Variants in CTSH observed in about 807,000 individuals in gnomAD.
CTSH encodes cathepsin H, also known as pro-cathepsin H.
In CTSH, 52 loss-of-function variants were observed where a neutral mutation model predicts 56.3. The observed-to-expected ratio is 0.92, with a 90% CI of 0.74 to 1.16. The LOEUF (loss-of-function observed/expected upper bound fraction) is 1.16. CTSH is among the 50% of genes most tolerant of loss of function. The pLI is 0.00. For missense variants in CTSH, 406 were observed against 424.5 expected (o/e 0.96, Z 0.38); for synonymous variants, 174 against 155.7 (o/e 1.12, Z -0.88).
At position 78,935,214 on chromosome 15, in the gene CTSH, C is replaced by T. The variant is rs1425763163; in HGVS notation, c.301-132G>A. The stretch of plus-strand genomic sequence containing the variant: ...GAAAGGCTGCAGCTCTCAGAACCTT[C>T]CCTCTCCTGTCTACTGGTCCCAAGT... On this transcript the variant is annotated intron_variant, in intron 4 of 11. Coordinates refer to ENST00000220166, the MANE Select transcript of CTSH (RefSeq NM_004390.5). 7.7e-6 allele frequency: 5 copies of T among 653,432 alleles called. 1 individual carries two copies. Among genetic ancestry groups the T allele is most frequent in the Admixed American group, 5.5e-5 (2 of 36,634 alleles). The allele number at this position is 653,432 out of a possible 1,614,324, so 40.5% of individuals were successfully genotyped here.
At chr15:78,933,735 G>T (rs911600339) in intron 5 of CTSH, 3 of 286,454 alleles carry the variant, frequency 1.0e-5, no homozygotes, top group Non-Finnish European at 2.2e-5. Context: ...ACTTACCTTG[G>T]ACCTCAGGCA....
chr15:78,941,417 C>CT (rs2055285871), intron 1 of CTSH, among the ~76,000 whole-genome samples: 2 of 80,896 alleles, frequency 2.5e-5, no homozygotes, highest in African/African-American at 1.0e-4. Flanking sequence ...AAGCGAGACT[C>CT]TGTCTAAAAA....
chr15:78,922,224 T>G lies in CTSH; in HGVS notation c.933-19A>C, dbSNP rs201480841. ...GAAGTACCTGGGCAGAAAGAGGAGC[T>G]GAGGCCCGGCCGGCGGTCTCCCCAC... On this transcript the variant is annotated intron_variant, in intron 11 of 11. Transcript: ENST00000220166. 6.4e-7 allele frequency: 1 copy of G among 1,561,564 alleles called. No homozygotes were observed. The highest frequency in any genetic ancestry group is 1.4e-5 in the African/African-American group (1 of 73,864).
chr15:78,939,574 G>GT (rs2055245649), intron 1 of CTSH, among the ~76,000 whole-genome samples: 1 of 152,184 alleles, frequency 6.6e-6, no homozygotes, highest in Non-Finnish European at 1.5e-5. Flanking sequence ...TTATATTTCG[G>GT]TAAGAAGTTA....
At chr15:78,926,849 A>G (rs924657559) in intron 9 of CTSH, 2 of 152,176 alleles carry the variant, frequency 1.3e-5, no homozygotes, top group African/African-American at 4.8e-5. Flanking sequence ...GATAGTGCGT[A>G]TTGAGGGTTG....
intron 2 of CTSH, 169 bp from the exon 3 acceptor site, chr15:78,937,592 A>C: frequency 2.1e-6 from 3 of 1,413,044 alleles, no homozygotes; most frequent in South Asian, 1.5e-5. Context: ...GGAAGTTACA[A>C]AACAACCCCG....
intron 1 of CTSH, among the ~76,000 whole-genome samples, chr15:78,942,398 A>G (rs1195625355): frequency 1.3e-5 from 2 of 152,066 alleles, no homozygotes. Flanking sequence ...TTTTTAGTAG[A>G]GATGGGGTTT....
chr15:78,928,912 G>A (rs200206245), intron 8 of CTSH, among the ~76,000 whole-genome samples: 1 of 152,190 alleles, frequency 6.6e-6, no homozygotes, highest in Non-Finnish European at 1.5e-5. Context: ...ATCACCACGA[G>A]GGGAAATAAA....
chr15:78,924,473 T>C (rs780414971), intron 10 of CTSH, among the ~76,000 whole-genome samples: 1 of 151,860 alleles, frequency 6.6e-6, no homozygotes, highest in Non-Finnish European at 1.5e-5. Flanking sequence ...TGAGTGACAT[T>C]AGTGAGTGAC....
At chr15:78,923,354 A>G (rs1396723352) in intron 10 of CTSH, among the ~76,000 whole-genome samples, 1 of 152,046 alleles carries the variant, frequency 6.6e-6, no homozygotes, top group Non-Finnish European at 1.5e-5. Flanking sequence ...CAATGGTGCA[A>G]TCTCTGCTCA....
Position 78,934,821 on chromosome 15 carries a change from G to A in CTSH, c.405+157C>T, listed in dbSNP as rs1017799878. 2.7e-5 allele frequency: 19 copies of A among 708,824 alleles called. No homozygotes were observed. In the East Asian group the frequency reaches 4.9e-4, roughly 18 times the overall value. 43.9% of individuals were successfully genotyped at this position (708,824 alleles called of 1,614,324 possible). The stretch of plus-strand genomic sequence containing the variant: ...AGCCTAGAGAAGTGCTGACCTCCCT[G>A]GCCCCTCAAAGGAAGAGGGCTGGAG... On this transcript the variant is annotated intron_variant, in intron 5 of 11. Coordinates refer to ENST00000220166, the MANE Select transcript of CTSH (RefSeq NM_004390.5).
intron 10 of CTSH, 88 bp from the exon 11 acceptor site, chr15:78,923,206 T>A (rs1282436163): frequency 6.8e-7 from 1 of 1,465,276 alleles, no homozygotes; most frequent in Non-Finnish European, 9.4e-7. Flanking sequence ...TTGAGCGCTT[T>A]AGAGCAATGT....
intron 5 of CTSH, 103 bp from the exon 6 acceptor site, chr15:78,932,561 C>T (rs1046915788): frequency 1.9e-5 from 16 of 823,814 alleles, no homozygotes; most frequent in Non-Finnish European, 3.0e-5. Context: ...CTCCCGAGTC[C>T]CCAGGTGCCT....
intron 10 of CTSH, among the ~76,000 whole-genome samples, chr15:78,924,965 G>A (rs533302160): frequency 1.2e-4 from 19 of 152,070 alleles, no homozygotes; most frequent in African/African-American, 4.6e-4. Flanking sequence ...CAAAGTGCTG[G>A]GAGTACAGGC....
chr15:78,944,974 G>A lies in CTSH; in HGVS notation c.8C>T (p.Ala3Val), dbSNP rs765453077. MW[A>V]TLPLLCAGAW... is the part of the protein sequence containing the mutation. ...CCCGGCGCAGAGCAGCGGCAGCGTG[G>A]CCCACATCGCAGCGCTGGCGGCTTG... is the stretch of plus-strand genomic sequence containing the variant. Residue 3 changes from alanine (A) to valine (V), a missense_variant, in exon 1 of 12, where the codon GCC (alanine) becomes GTC (valine). Ala to Val is a moderately conservative substitution (Grantham distance 64). Transcript: ENST00000220166. The A allele has an allele frequency of 5.8e-6, 9 of 1,543,244 alleles. No individual in the cohort carries two copies. The Admixed American group carries it at 5.9e-5, about 10-fold the overall frequency.
At chr15:78,932,173 G>A (rs1306361048) in intron 6 of CTSH, 199 bp downstream of exon 6, 17 of 923,714 alleles carry the variant, frequency 1.8e-5, no homozygotes, top group East Asian at 5.6e-5. Flanking sequence ...CCCTTGGGCC[G>A]GTTCCTTAAT....
At position 78,922,202 on chromosome 15, in the gene CTSH, G is replaced by C; in HGVS notation, c.936C>G (p.Tyr312Ter). Residue 312 changes from tyrosine to a stop codon, truncating the protein, a stop_gained, in exon 12 of 12, where the codon TAC (tyrosine) becomes TAG (stop). Coordinates refer to ENST00000220166, the MANE Select transcript of CTSH (RefSeq NM_004390.5). LOFTEE classifies it high-confidence loss of function. ...TGTTCTTTCCGCGCTCGATGAGGAA[G>C]TACCTGGGCAGAAAGAGGAGCTGAG... ...SWGPQWGMNG[Y>*]FLIERGKNMC... 1.9e-6 allele frequency: 3 copies of C among 1,574,856 alleles called. No homozygotes were observed. The highest frequency in any genetic ancestry group is 2.6e-6 in the Non-Finnish European group (3 of 1,160,542).
rs2054768193 is a variant in CTSH at position 78,921,485 on chromosome 15, A to T, written c.*645T>A. On this transcript the variant is annotated 3_prime_UTR_variant, in exon 12 of 12. Coordinates refer to ENST00000220166, the MANE Select transcript of CTSH (RefSeq NM_004390.5). Reference sequence around the variant, plus strand: ...GACTGGGGAGGCCACACAGAGAAGTACAGGCTTCTGGGCTGACATTGTGGG... The same window carrying T: ...GACTGGGGAGGCCACACAGAGAAGTTCAGGCTTCTGGGCTGACATTGTGGG... 6.6e-6 allele frequency: 1 copy of T among 152,480 alleles called. No individual in the cohort carries two copies. The highest frequency in any genetic ancestry group is 1.5e-5 in the Non-Finnish European group (1 of 68,304). The allele number at this position is 152,480 out of a possible 1,614,324, so 9.4% of individuals were successfully genotyped here.
intron 11 of CTSH, among the ~76,000 whole-genome samples, chr15:78,922,545 C>T (rs2054794608): frequency 6.6e-6 from 1 of 152,152 alleles, no homozygotes; most frequent in African/African-American, 2.4e-5. Flanking sequence ...CAGACAAGGA[C>T]ATGGAATCTG....
Sources: allele counts gnomAD v4.1 joint callset (sites outside exome capture counted in the v4.1 genomes callset), GRCh38; gene constraint gnomAD v4.1.1; transcripts MANE v1.5; gene names NCBI Gene and HGNC (gene_info 2026-07-23, HGNC 2026-07-21).